The following PTPRZ1 variants were observed in gnomAD, a reference collection of about 807,000 sequenced individuals.
The protein encoded by PTPRZ1 is receptor-type tyrosine-protein phosphatase zeta.
A neutral mutation model predicts 214.1 loss-of-function variants in PTPRZ1; 82 were observed. The observed-to-expected ratio is 0.38, with a 90% confidence interval of 0.32 to 0.46. PTPRZ1 has a LOEUF of 0.46. Among genes scored for constraint, PTPRZ1 ranks in the 20% least tolerant of loss-of-function variants. The pLI, the probability that PTPRZ1 is intolerant of heterozygous loss-of-function variation, is 1.00. For synonymous variants in PTPRZ1, 945 were observed against 987.9 expected (o/e 0.96, Z 0.81); for missense variants, 2,603 against 2,748.7 (o/e 0.95, Z 1.19).
At chr7:122,003,545 A>T (rs538649252) in intron 10 of PTPRZ1, among the ~76,000 whole-genome samples, 2 of 152,340 alleles carry the variant, frequency 1.3e-5, no homozygotes, top group African/African-American at 4.8e-5. Flanking sequence ...ATGTTGGTTC[A>T]GTTATACCTT....
At chr7:121,892,231 T>C (rs1437012321) in intron 1 of PTPRZ1, among the ~76,000 whole-genome samples, 1 of 152,188 alleles carries the variant, frequency 6.6e-6, no homozygotes, top group East Asian at 1.9e-4. Context: ...TCTTCACATG[T>C]GCAAGACAAC....
rs574183936 is a variant in PTPRZ1 at position 122,036,481 on chromosome 7, G to A, written c.5285-119G>A. ...CTGTATCCCCAAAAAGCCTATGAAA[G>A]TAAATGATTGCTTGTGTTGATTTTA... On this transcript the variant is annotated intron_variant, in intron 17 of 29. Transcript: ENST00000393386. 7.1e-6 allele frequency: 5 copies of A among 707,422 alleles called. No homozygotes were observed. The African/African-American group carries it at 7.2e-5, about 10-fold the overall frequency. The allele number at this position is 707,422 out of a possible 1,614,324, so 43.8% of individuals were successfully genotyped here. A position where few individuals can be genotyped will look rare whatever the true frequency, so the allele number is the denominator to read the frequency against.
At position 122,044,402 on chromosome 7, in the gene PTPRZ1, TATTGTC is replaced by T. The variant is rs1247704272; in HGVS notation, c.5938-14_5938-9del. On this transcript the variant is annotated splice_polypyrimidine_tract_variant and intron_variant, in intron 22 of 29. Coordinates refer to ENST00000393386, the MANE Select transcript of PTPRZ1 (RefSeq NM_002851.3). ...GAGGAAAACTTGAACTAATGTTGCT[TATTGTC>T]ATTGTTTTGCCAGGAGCAATATGTC... 3.7e-6 allele frequency: 6 copies of T among 1,613,220 alleles called. No homozygotes were observed. In the African/African-American group the frequency reaches 6.7e-5, roughly 18 times the overall value.
At chr7:122,039,403 T>A (rs1220233088) in intron 19 of PTPRZ1, 51 bp from the exon 20 acceptor site, 1 of 1,592,970 alleles carries the variant, frequency 6.3e-7, no homozygotes, top group South Asian at 1.1e-5. Flanking sequence ...GGAATGACTT[T>A]TACATGGAGC....
In PTPRZ1 at chr7:121,956,928, A is replaced by G. The variant is rs528877220; in HGVS notation, c.125-11023A>G. The stretch of plus-strand genomic sequence containing the variant: ...TATGCTCCTTCCCCCCCAAAAAACA[A>G]TAATGAAATGTTGTGTCTTAACAAC... On this transcript the variant is annotated intron_variant, in intron 2 of 29. Coordinates refer to ENST00000393386, the MANE Select transcript of PTPRZ1 (RefSeq NM_002851.3). 2.2e-4 allele frequency among the ~76,000 whole-genome samples: 33 copies of G among 152,340 alleles called. No homozygotes were observed. The South Asian group carries it at 6.8e-3, about 32-fold the overall frequency.
At chr7:122,057,700 A>C (rs936311331) in intron 27 of PTPRZ1, among the ~76,000 whole-genome samples, 1 of 138,792 alleles carries the variant, frequency 7.2e-6, no homozygotes, top group African/African-American at 2.7e-5. Flanking sequence ...AGTTTAATCT[A>C]TATGAATGTA....
At chr7:122,017,612 A>G (rs577629099) in intron 12 of PTPRZ1, among the ~76,000 whole-genome samples, 38 of 151,572 alleles carry the variant, frequency 2.5e-4, no homozygotes, top group African/African-American at 7.8e-4. Flanking sequence ...CCCAGGCTGT[A>G]GTGCAGTGGC....
At position 122,034,212 on chromosome 7, in the gene PTPRZ1, G is replaced by C. The variant is rs778576902; in HGVS notation, c.5188-70G>C. On this transcript the variant is annotated intron_variant, in intron 16 of 29. Transcript: ENST00000393386. ...AGATTATTTTGTTTGTTTTGTCTTC[G>C]TTATTATATTTTAAGGCACGTTGTT... The C allele has an allele frequency of 2.5e-6, 4 of 1,568,670 alleles. No individual in the cohort carries two copies. The Admixed American group carries it at 6.9e-5, about 27-fold the overall frequency.
At chr7:122,014,639 C>T (rs1798792331) in intron 12 of PTPRZ1, among the ~76,000 whole-genome samples, 1 of 152,058 alleles carries the variant, frequency 6.6e-6, no homozygotes, top group African/African-American at 2.4e-5. Context: ...GGGGTTTCAC[C>T]ATGTTAGCCA....
intron 1 of PTPRZ1, among the ~76,000 whole-genome samples, chr7:121,907,155 T>A (rs2116290854): frequency 6.6e-6 from 1 of 152,256 alleles, no homozygotes; most frequent in African/African-American, 2.4e-5. Flanking sequence ...TAAGTTAAAT[T>A]ATGTTTTTTG....
At chr7:121,946,673 T>C (rs1163511267) in intron 2 of PTPRZ1, among the ~76,000 whole-genome samples, 1 of 152,180 alleles carries the variant, frequency 6.6e-6, no homozygotes, top group Non-Finnish European at 1.5e-5. Context: ...CAAAATACTT[T>C]CTAATTACAA....
At chr7:121,882,749 A>G (rs1384355513) in intron 1 of PTPRZ1, among the ~76,000 whole-genome samples, 2 of 152,188 alleles carry the variant, frequency 1.3e-5, no homozygotes, top group African/African-American at 2.4e-5. Flanking sequence ...AAGCTTGGTT[A>G]AAAGCCTCTT....
chr7:121,908,357 C>CGGTGGTTG, intron 1 of PTPRZ1: 17 of 237,184 alleles, frequency 7.2e-5, no homozygotes, highest in Admixed American at 1.6e-4. Context: ...GTAGATCAAT[C>CGGTGGTTG]CCTTTGGAAA....
At chr7:121,993,594 A>C (rs910459563) in intron 8 of PTPRZ1, among the ~76,000 whole-genome samples, 3 of 136,370 alleles carry the variant, frequency 2.2e-5, no homozygotes, top group East Asian at 2.1e-4. Context: ...AAAAAAAAAA[A>C]CACAAAACAA....
At chr7:121,944,490 T>G (rs1035992270) in intron 2 of PTPRZ1, among the ~76,000 whole-genome samples, 1 of 152,164 alleles carries the variant, frequency 6.6e-6, no homozygotes, top group Non-Finnish European at 1.5e-5. Context: ...TAAAATAGGA[T>G]CTGAATATTT....
chr7:121,965,770 AC>A (rs1473734284), intron 2 of PTPRZ1, among the ~76,000 whole-genome samples: 1 of 152,228 alleles, frequency 6.6e-6, no homozygotes, highest in Non-Finnish European at 1.5e-5. Flanking sequence ...AGGTGGTACT[AC>A]TACAGAATTG....
At chr7:122,052,643 A>G (rs967951318) in intron 25 of PTPRZ1, among the ~76,000 whole-genome samples, 6 of 152,180 alleles carry the variant, frequency 3.9e-5, no homozygotes, top group Admixed American at 3.3e-4. Flanking sequence ...GGTGATAGGA[A>G]TGGGATCTGA....
chr7:121,998,837 G>A (rs2116618896), intron 10 of PTPRZ1, among the ~76,000 whole-genome samples: 1 of 152,170 alleles, frequency 6.6e-6, no homozygotes, highest in East Asian at 1.9e-4. Flanking sequence ...CATATTAGGA[G>A]CCTACTCATT....
At chr7:121,932,493 C>T (rs543284232) in intron 2 of PTPRZ1, among the ~76,000 whole-genome samples, 3 of 152,220 alleles carry the variant, frequency 2.0e-5, no homozygotes, top group Admixed American at 2.0e-4. Flanking sequence ...TCTAGTTTCA[C>T]CTTAACAGTT....
Sources: allele counts gnomAD v4.1 joint callset (sites outside exome capture counted in the v4.1 genomes callset), GRCh38; gene constraint gnomAD v4.1.1; transcripts MANE v1.5; gene names NCBI Gene and HGNC (gene_info 2026-07-23, HGNC 2026-07-21).